Variants in ZFHX3 observed in about 807,000 individuals in gnomAD.
The protein encoded by ZFHX3 is zinc finger homeobox protein 3.
Under a neutral mutation model 279.1 loss-of-function variants are expected in ZFHX3, and 42 were observed. The observed-to-expected ratio is 0.15, with a 90% confidence interval of 0.12 to 0.19. The LOEUF (loss-of-function observed/expected upper bound fraction) is 0.19. Among genes scored for constraint, ZFHX3 ranks in the 10% least tolerant of loss-of-function variants. The probability of loss-of-function intolerance (pLI) is 1.00; values close to 1 mark genes in which losing one functional copy is unlikely to be tolerated. For synonymous variants in ZFHX3, 2,293 were observed against 1,957.8 expected, an observed-to-expected ratio of 1.17 and a Z score of -4.52; for missense variants, 4,981 against 4,754.0, an observed-to-expected ratio of 1.05 and a Z score of -1.40.
At chr16:73,243,451 G>C (rs1331971981) in intron 5 of ZFHX3, among the ~76,000 whole-genome samples, 1 of 152,170 alleles carries the variant, frequency 6.6e-6, no homozygotes, top group African/African-American at 2.4e-5. Flanking sequence ...GATATCAGAT[G>C]TAACTTCATC....
chr16:73,613,437 G>GC (rs2052266990), intron 2 of ZFHX3, among the ~76,000 whole-genome samples: 2 of 91,452 alleles, frequency 2.2e-5, no homozygotes, highest in Admixed American at 2.7e-4. Context: ...CTTAGCTTTT[G>GC]CTTTTTTTGT....
chr16:73,851,486 C>G (rs1306390105), intron 1 of ZFHX3, among the ~76,000 whole-genome samples: 3 of 152,164 alleles, frequency 2.0e-5, no homozygotes, highest in Non-Finnish European at 2.9e-5. Flanking sequence ...TTCTAACCTC[C>G]TGAAGTCTCT....
intron 1 of ZFHX3, among the ~76,000 whole-genome samples, chr16:72,979,000 A>G (rs766769311): frequency 1.3e-5 from 2 of 152,134 alleles, no homozygotes; most frequent in Non-Finnish European, 2.9e-5. Context: ...CTAGGAAGGT[A>G]AAGGAGAGAA....
chr16:73,564,496 A>G (rs754330156), intron 2 of ZFHX3, among the ~76,000 whole-genome samples: 7 of 152,134 alleles, frequency 4.6e-5, no homozygotes, highest in Non-Finnish European at 1.0e-4. Flanking sequence ...GCATCACTAC[A>G]TGGGATTCCA....
At chr16:72,952,605 C>G (rs11861999) in intron 2 of ZFHX3, among the ~76,000 whole-genome samples, 1,779 of 152,258 alleles carry the variant, frequency 0.012, 45 homozygotes, top group African/African-American at 0.04. Context: ...GACTGCTGCA[C>G]GTTCAGGAAG....
At chr16:73,394,022 T>C (rs1056700657) in intron 3 of ZFHX3, among the ~76,000 whole-genome samples, 1 of 148,994 alleles carries the variant, frequency 6.7e-6, no homozygotes, top group African/African-American at 2.4e-5. Flanking sequence ...TGTATGAATC[T>C]AAAAACTGTG....
chr16:73,802,785 C>A (rs1298528913), intron 1 of ZFHX3, among the ~76,000 whole-genome samples: 1 of 152,078 alleles, frequency 6.6e-6, no homozygotes, highest in Non-Finnish European at 1.5e-5. Context: ...ATTTTATATT[C>A]TTAGAGTAAA....
At chr16:73,292,437 C>T (rs560509200) in intron 4 of ZFHX3, among the ~76,000 whole-genome samples, 23 of 152,300 alleles carry the variant, frequency 1.5e-4, no homozygotes, top group African/African-American at 5.5e-4. Flanking sequence ...AAATCTAGAA[C>T]CCCTTGACAT....
At chr16:73,249,103 T>A (rs1364859033) in intron 5 of ZFHX3, among the ~76,000 whole-genome samples, 1 of 152,212 alleles carries the variant, frequency 6.6e-6, no homozygotes, top group East Asian at 1.9e-4. Flanking sequence ...TCTATTTCAG[T>A]TGCATTATTG....
intron 2 of ZFHX3, among the ~76,000 whole-genome samples, chr16:73,629,549 C>T (rs1007356188): frequency 1.3e-5 from 2 of 151,468 alleles, no homozygotes; most frequent in Non-Finnish European, 2.9e-5. Flanking sequence ...GCACCTGCCA[C>T]GGAGCTAGTC....
chr16:73,404,892 C>T (rs373010770), intron 3 of ZFHX3, among the ~76,000 whole-genome samples: 135 of 152,264 alleles, frequency 8.9e-4, no homozygotes, highest in African/African-American at 3.2e-3. Context: ...TCATTTGGTC[C>T]TCAGAGCCAC....
At chr16:73,705,363 G>A (rs1027168746) in intron 1 of ZFHX3, among the ~76,000 whole-genome samples, 4 of 152,094 alleles carry the variant, frequency 2.6e-5, no homozygotes, top group Non-Finnish European at 5.9e-5. Context: ...TGGCACTTCT[G>A]GTCCAGGGTG....
chr16:73,052,090 TC>T (rs1276146972), upstream of ZFHX3, among the ~76,000 whole-genome samples: 1 of 151,950 alleles, frequency 6.6e-6, no homozygotes, highest in Non-Finnish European at 1.5e-5. Context: ...CCCTTTACAG[TC>T]GGTCTGATGC....
chr16:73,234,284 T>C (rs1318106449), intron 5 of ZFHX3, among the ~76,000 whole-genome samples: 2 of 152,204 alleles, frequency 1.3e-5, no homozygotes, highest in Non-Finnish European at 2.9e-5. Context: ...ATGCAGGAGA[T>C]GAAATTAGCA....
intron 2 of ZFHX3, among the ~76,000 whole-genome samples, chr16:73,512,451 GAAAA>G (rs11455796): frequency 1.9e-5 from 2 of 104,926 alleles, no homozygotes; most frequent in Non-Finnish European, 3.8e-5. Context: ...CGTCTCAAAA[GAAAA>G]AAAAAAAAAA....
At chr16:73,506,776 AC>A (rs1488997265) in intron 2 of ZFHX3, among the ~76,000 whole-genome samples, 1 of 152,144 alleles carries the variant, frequency 6.6e-6, no homozygotes, top group Non-Finnish European at 1.5e-5. Flanking sequence ...CCAGCAGATG[AC>A]AGGAGACAGC....
chr16:73,615,734 G>T (rs1303364099), intron 2 of ZFHX3, among the ~76,000 whole-genome samples: 1 of 152,170 alleles, frequency 6.6e-6, no homozygotes, highest in Non-Finnish European at 1.5e-5. Context: ...ATGCTGCTGG[G>T]GCTGAGCACA....
At chr16:73,505,107 T>C (rs1455522524) in intron 2 of ZFHX3, among the ~76,000 whole-genome samples, 4 of 152,042 alleles carry the variant, frequency 2.6e-5, no homozygotes, top group African/African-American at 9.7e-5. Flanking sequence ...GAAGATTAAA[T>C]TAAGTATCAT....
At chr16:73,707,805 T>A (rs1183200689) in intron 1 of ZFHX3, among the ~76,000 whole-genome samples, 2 of 147,940 alleles carry the variant, frequency 1.4e-5, no homozygotes, top group Non-Finnish European at 3.0e-5. Flanking sequence ...GTGGCAAACA[T>A]GGGCAAGAAA....
Sources: gnomAD v4.1 joint callset for allele counts (sites outside exome capture counted in the v4.1 genomes callset) on GRCh38, gnomAD v4.1.1 for gene constraint, MANE v1.5 for transcripts, NCBI Gene and HGNC (gene_info 2026-07-23, HGNC 2026-07-21) for gene names.